Variants in GALNT17 observed in about 807,000 individuals in gnomAD.
The protein encoded by GALNT17 is UDP-GalNAc:polypeptide N-acetylgalactosaminyltransferase-like 3.
In GALNT17, 29 loss-of-function variants were observed where a neutral mutation model predicts 63.7. That is an observed-to-expected ratio of 0.46 (90% CI 0.34 to 0.62). The LOEUF is 0.62. Ranked by LOEUF, GALNT17 falls within the 20% of genes least tolerant of loss-of-function variation. The pLI is 0.01. For synonymous variants in GALNT17, 305 were observed against 318.3 expected (o/e 0.96, Z 0.45); for missense variants, 603 against 799.6 (o/e 0.75, Z 2.97).
At chr7:71,447,178 TG>T (rs1481623927) in intron 5 of GALNT17, among the ~76,000 whole-genome samples, 1 of 152,224 alleles carries the variant, frequency 6.6e-6, no homozygotes, top group Non-Finnish European at 1.5e-5. Flanking sequence ...TCCCAAAGAC[TG>T]CTCCCACTTT....
intron 6 of GALNT17, among the ~76,000 whole-genome samples, chr7:71,596,299 A>G (rs180998008): frequency 1.3e-5 from 2 of 152,176 alleles, no homozygotes; most frequent in Admixed American, 6.5e-5. Flanking sequence ...TGGCCTCCCA[A>G]AGTGCTGGGA....
intron 5 of GALNT17, among the ~76,000 whole-genome samples, chr7:71,491,536 T>A (rs1369375728): frequency 6.6e-6 from 1 of 152,170 alleles, no homozygotes; most frequent in Non-Finnish European, 1.5e-5. Flanking sequence ...ATCCACTATC[T>A]GTGCAGTGGA....
At chr7:71,247,859 C>T (rs1009952620) in intron 1 of GALNT17, among the ~76,000 whole-genome samples, 2 of 152,008 alleles carry the variant, frequency 1.3e-5, no homozygotes, top group Admixed American at 6.6e-5. Context: ...ACAATAAAGG[C>T]GAGCTAGAGA....
At chr7:71,420,503 C>T (rs1457215916) in intron 4 of GALNT17, among the ~76,000 whole-genome samples, 1 of 152,214 alleles carries the variant, frequency 6.6e-6, no homozygotes, top group Non-Finnish European at 1.5e-5. Context: ...CAAGCGGTGG[C>T]AGTCAGTGCC....
intron 1 of GALNT17, among the ~76,000 whole-genome samples, chr7:71,190,170 C>G (rs1242249868): frequency 6.6e-6 from 1 of 152,162 alleles, no homozygotes; most frequent in Non-Finnish European, 1.5e-5. Flanking sequence ...TTAGGAACAG[C>G]TGATCTTTAA....
chr7:71,445,455 C>G (rs1787145049), intron 5 of GALNT17, among the ~76,000 whole-genome samples: 1 of 152,000 alleles, frequency 6.6e-6, no homozygotes, highest in South Asian at 2.1e-4. Context: ...CCTTGGCCTC[C>G]CAAAGTGCTG....
intron 6 of GALNT17, among the ~76,000 whole-genome samples, chr7:71,585,868 T>G (rs1052921745): frequency 2.0e-5 from 3 of 151,216 alleles, no homozygotes; most frequent in Non-Finnish European, 4.4e-5. Context: ...AGTTCTTTCC[T>G]CCTCCCCACC....
At chr7:71,316,416 A>G (rs1322438216) in intron 1 of GALNT17, among the ~76,000 whole-genome samples, 1 of 152,146 alleles carries the variant, frequency 6.6e-6, no homozygotes, top group Non-Finnish European at 1.5e-5. Context: ...CCTGCCTCAG[A>G]TCATTAACCA....
chr7:71,411,846 G>A (rs1793435465), intron 3 of GALNT17, among the ~76,000 whole-genome samples: 1 of 152,160 alleles, frequency 6.6e-6, no homozygotes, highest in African/African-American at 2.4e-5. Context: ...GCAGCTTTTG[G>A]AGGACAGGGA....
intron 1 of GALNT17, among the ~76,000 whole-genome samples, chr7:71,148,497 A>C (rs1001034978): frequency 6.6e-6 from 1 of 152,224 alleles, no homozygotes; most frequent in Non-Finnish European, 1.5e-5. Flanking sequence ...AAATAAGTAC[A>C]GTGGTAGCAA....
rs1212179865 is a variant in GALNT17 at position 71,156,802 on chromosome 7, C to T, written c.238+23762C>T. On this transcript the variant is annotated intron_variant, in intron 1 of 10. Coordinates refer to ENST00000333538, the MANE Select transcript of GALNT17 (RefSeq NM_022479.3). ...TGGTGCAATCATAGCTCACTGCAGA[C>T]TCCAATCCCTGGGCTCAAGTGATCC... 2.0e-5 allele frequency among the ~76,000 whole-genome samples: 3 copies of T among 151,448 alleles called. No homozygotes were observed. In the East Asian group the frequency reaches 5.8e-4, roughly 29 times the overall value.
intron 5 of GALNT17, among the ~76,000 whole-genome samples, chr7:71,516,846 G>A (rs546435946): frequency 6.6e-5 from 10 of 152,140 alleles, no homozygotes; most frequent in East Asian, 1.9e-4. Context: ...TTTATCCTTC[G>A]TGGCTAAACT....
intron 6 of GALNT17, among the ~76,000 whole-genome samples, chr7:71,601,286 T>C (rs1789963727): frequency 1.3e-5 from 2 of 152,182 alleles, no homozygotes; most frequent in Admixed American, 1.3e-4. Context: ...TTCTTTTCTT[T>C]GGGTAGATAA....
chr7:71,292,668 AGTGTGT>A (rs201057078), intron 1 of GALNT17, among the ~76,000 whole-genome samples: 3,189 of 67,266 alleles, frequency 0.047, 96 homozygotes, highest in African/African-American at 0.14. Context: ...AGAGAGAGAG[AGTGTGT>A]GTGTGTGTGT....
rs59436089 is a variant in GALNT17, at chr7:71,696,760, G to A, written c.1501-14001G>A. On this transcript the variant is annotated intron_variant, in intron 9 of 10. Transcript: ENST00000333538. Reference sequence around the variant, plus strand: ...AATGCATTAGGGTGTGGATAATGACGTTCATTTCTCCTCATGAGCCCAGGA... The same window carrying A: ...AATGCATTAGGGTGTGGATAATGACATTCATTTCTCCTCATGAGCCCAGGA... 3.5e-3 allele frequency among the ~76,000 whole-genome samples: 529 copies of A among 152,192 alleles called. 3 individuals carry two copies. Among genetic ancestry groups the A allele is most frequent in the African/African-American group, 9.4e-3 (392 of 41,528 alleles).
At chr7:71,316,353 T>C (rs1428556219) in intron 1 of GALNT17, among the ~76,000 whole-genome samples, 1 of 151,802 alleles carries the variant, frequency 6.6e-6, no homozygotes, top group Non-Finnish European at 1.5e-5. Flanking sequence ...CTGAACAAGG[T>C]GGGGTGCGAC....
At chr7:71,604,226 A>G (rs767167784) in intron 6 of GALNT17, among the ~76,000 whole-genome samples, 4 of 120,320 alleles carry the variant, frequency 3.3e-5, no homozygotes, top group Non-Finnish European at 8.1e-5. Flanking sequence ...TTAAGTGCAT[A>G]CAATGGATAC....
chr7:71,528,670 G>A (rs1039284545), intron 5 of GALNT17, among the ~76,000 whole-genome samples: 47 of 152,058 alleles, frequency 3.1e-4, no homozygotes, highest in Admixed American at 1.2e-3. Context: ...TATCCAGTTG[G>A]CCCATGAAAG....
At chr7:71,493,498 T>A (rs543123950) in intron 5 of GALNT17, among the ~76,000 whole-genome samples, 1 of 152,192 alleles carries the variant, frequency 6.6e-6, no homozygotes, top group African/African-American at 2.4e-5. Context: ...ACAATCACGG[T>A]GGAAGGTGAA....
Sources: allele counts gnomAD v4.1 joint callset (sites outside exome capture counted in the v4.1 genomes callset), GRCh38; gene constraint gnomAD v4.1.1; transcripts MANE v1.5; gene names NCBI Gene and HGNC (gene_info 2026-07-23, HGNC 2026-07-21).